The following PTPRQ variants were observed in gnomAD, a reference collection of about 807,000 sequenced individuals.
The protein encoded by PTPRQ is phosphatidylinositol phosphatase PTPRQ.
Under a neutral mutation model 246.0 loss-of-function variants are expected in PTPRQ, and 199 were observed. The observed-to-expected ratio is 0.81, with a 90% CI of 0.72 to 0.91. PTPRQ has a LOEUF of 0.91. Among genes scored for constraint, PTPRQ ranks in the 40% least tolerant of loss-of-function variants. PTPRQ has a pLI of 0.00. For synonymous variants in PTPRQ, 869 were observed against 853.2 expected (o/e 1.02, Z -0.32); for missense variants, 2,624 against 2,528.4 (o/e 1.04, Z -0.81).
At chr12:80,458,753 T>C (rs1893055462) in intron 4 of PTPRQ, among the ~76,000 whole-genome samples, 1 of 152,042 alleles carries the variant, frequency 6.6e-6, no homozygotes, top group African/African-American at 2.4e-5. Flanking sequence ...TATTACTCTA[T>C]ATAATTAATA....
chr12:80,650,078 G>A (rs1344631559), intron 37 of PTPRQ, among the ~76,000 whole-genome samples: 5 of 151,780 alleles, frequency 3.3e-5, no homozygotes, highest in African/African-American at 4.8e-5. Flanking sequence ...TTCATTTTAC[G>A]TTTACCTACT....
At chr12:80,473,064 C>T in intron 8 of PTPRQ, among the ~76,000 whole-genome samples, 1 of 151,752 alleles carries the variant, frequency 6.6e-6, no homozygotes, top group East Asian at 1.9e-4. Flanking sequence ...CACACACACA[C>T]ACACACACAC....
rs1898641192 is a variant in PTPRQ at position 80,613,711 on chromosome 12, C to G, written c.5038C>G (p.Leu1680Val). Residue 1680 changes from leucine to valine, a missense_variant, in exon 29 of 45, where the codon CTG (leucine) becomes GTG (valine). By Grantham distance (32) the Leu-to-Val change is conservative. Coordinates refer to ENST00000644991, the MANE Select transcript of PTPRQ (RefSeq NM_001145026.2). ...PNGNIQVYQA[L>V]VYREDDPTAV... The stretch of plus-strand genomic sequence containing the variant: ...TGGAAATATCCAAGTATATCAAGCT[C>G]TGGTTTACCGAGAAGATGATCCTAC... 1 of 1,546,304 alleles carries G rather than the reference C, an allele frequency of 6.5e-7. No individual in the cohort carries two copies. The highest frequency in any genetic ancestry group is 8.7e-7 in the Non-Finnish European group (1 of 1,143,340).
chr12:80,633,249 A>G (rs751306374), intron 34 of PTPRQ, among the ~76,000 whole-genome samples: 2 of 152,216 alleles, frequency 1.3e-5, no homozygotes, highest in African/African-American at 2.4e-5. Context: ...AAATATCTCA[A>G]TCAGGTCTAA....
intron 25 of PTPRQ, among the ~76,000 whole-genome samples, chr12:80,562,482 C>T (rs553204341): frequency 6.6e-5 from 10 of 152,194 alleles, no homozygotes; most frequent in Middle Eastern, 6.8e-3. Flanking sequence ...AATATACTAT[C>T]AAACAAGTTA....
chr12:80,579,703 T>C (rs1485577725), intron 25 of PTPRQ, among the ~76,000 whole-genome samples: 2 of 152,204 alleles, frequency 1.3e-5, no homozygotes, highest in Non-Finnish European at 2.9e-5. Context: ...GAACTTAACT[T>C]TGAAGGTATT....
chr12:80,474,015 G>T (rs559883278), intron 8 of PTPRQ, among the ~76,000 whole-genome samples: 1 of 152,210 alleles, frequency 6.6e-6, no homozygotes, highest in Non-Finnish European at 1.5e-5. Flanking sequence ...CATCCATGGA[G>T]TTCTCTTGGG....
Position 80,588,147 on chromosome 12 carries a change from A to C in PTPRQ, c.4304A>C (p.Asn1435Thr). ...TTTTTAGTTCCCAGTGTTCCCACAA[A>C]TATTGCTTTTTCTGATGTTCAGTCA... ...LPETVPSVPT[N>T]IAFSDVQSTS... Residue 1435 changes from asparagine to threonine, a missense_variant, in exon 26 of 45, where the codon AAT (asparagine) becomes ACT (threonine). By Grantham distance (65) the Asn-to-Thr change is moderately conservative. Transcript: ENST00000644991. 2 of 1,531,856 alleles carry C rather than the reference A, an allele frequency of 1.3e-6. No individual in the cohort carries two copies. The highest frequency in any genetic ancestry group is 1.8e-6 in the Non-Finnish European group (2 of 1,136,482). 94.9% of individuals were successfully genotyped at this position (1,531,856 alleles called of 1,614,324 possible). A position where few individuals can be genotyped will look rare whatever the true frequency, so the allele number is the denominator to read the frequency against.
chr12:80,561,534 C>G (rs1262256760), intron 25 of PTPRQ: 1 of 152,100 alleles, frequency 6.6e-6, no homozygotes, highest in Non-Finnish European at 1.5e-5. Flanking sequence ...CTCCATGGTT[C>G]ACTCCAGGGT....
At chr12:80,520,490 C>A (rs1412154193) in intron 17 of PTPRQ, among the ~76,000 whole-genome samples, 3 of 151,108 alleles carry the variant, frequency 2.0e-5, no homozygotes, top group Non-Finnish European at 4.4e-5. Context: ...AGGTGTATCT[C>A]CTAATGCTAT....
At chr12:80,641,144 T>C (rs1318716370) in intron 35 of PTPRQ, among the ~76,000 whole-genome samples, 5 of 152,196 alleles carry the variant, frequency 3.3e-5, no homozygotes, top group African/African-American at 4.8e-5. Context: ...GACCAATGGG[T>C]AGCCAACTGT....
intron 16 of PTPRQ, among the ~76,000 whole-genome samples, chr12:80,508,005 A>G (rs746612132): frequency 1.4e-4 from 22 of 152,032 alleles, no homozygotes; most frequent in Non-Finnish European, 1.0e-4. Context: ...GAGATCTTAT[A>G]TGATGGAATG....
At chr12:80,524,048 C>G (rs1046753432) in intron 17 of PTPRQ, among the ~76,000 whole-genome samples, 2 of 152,134 alleles carry the variant, frequency 1.3e-5, no homozygotes, top group African/African-American at 4.8e-5. Context: ...CTGGTTGCTC[C>G]TGTATTGAGT....
intron 25 of PTPRQ, among the ~76,000 whole-genome samples, chr12:80,562,866 A>G (rs536153027): frequency 6.6e-6 from 1 of 152,152 alleles, no homozygotes; most frequent in Non-Finnish European, 1.5e-5. Context: ...AAAATTGACA[A>G]ATCTCTAGCA....
At chr12:80,557,863 A>G (rs1384682467) in intron 25 of PTPRQ, among the ~76,000 whole-genome samples, 2 of 152,074 alleles carry the variant, frequency 1.3e-5, no homozygotes. Context: ...CCTGCCCACC[A>G]TCCTGGCATC....
intron 8 of PTPRQ, among the ~76,000 whole-genome samples, chr12:80,481,234 A>C (rs1894041011): frequency 6.6e-6 from 1 of 152,246 alleles, no homozygotes; most frequent in Non-Finnish European, 1.5e-5. Flanking sequence ...TAAAATCAAT[A>C]AACATAATCC....
chr12:80,494,288 A>G (rs1011176633), intron 10 of PTPRQ, among the ~76,000 whole-genome samples: 4 of 152,016 alleles, frequency 2.6e-5, no homozygotes, highest in Non-Finnish European at 1.5e-5. Flanking sequence ...TTGCTACTTA[A>G]GAGTTTTAGA....
chr12:80,580,188 C>T (rs926978880), intron 25 of PTPRQ, among the ~76,000 whole-genome samples: 9 of 152,246 alleles, frequency 5.9e-5, no homozygotes, highest in Middle Eastern at 3.4e-3. Context: ...TGCATTTAAA[C>T]CTATAACAAA....
chr12:80,462,066 C>G, intron 6 of PTPRQ: 1 of 692,896 alleles, frequency 1.4e-6, no homozygotes, highest in Admixed American at 2.0e-5. Flanking sequence ...CGAGGCATTG[C>G]CTCACTTGGG....
Sources: gnomAD v4.1 joint callset for allele counts (sites outside exome capture counted in the v4.1 genomes callset) on GRCh38, gnomAD v4.1.1 for gene constraint, MANE v1.5 for transcripts, NCBI Gene and HGNC (gene_info 2026-07-23, HGNC 2026-07-21) for gene names.